Variants in RAC2 observed in about 807,000 individuals in gnomAD.
The protein encoded by RAC2 is ras-related C3 botulinum toxin substrate 2.
A neutral mutation model predicts 24.0 loss-of-function variants in RAC2; 1 was observed. The observed-to-expected ratio is 0.04, with a 90% confidence interval of 0.01 to 0.20. RAC2 has a LOEUF of 0.20. RAC2 is among the 10% of genes least tolerant of loss of function. The pLI is 1.00. For missense variants in RAC2, 130 were observed against 259.1 expected (o/e 0.50, Z 3.42); for synonymous variants, 114 against 106.8 (o/e 1.07, Z -0.41).
rs572376387 is a variant in RAC2 at position 37,241,776 on chromosome 22, T to C, written c.36-118A>G. 168 of 870,748 alleles carry C rather than the reference T, an allele frequency of 1.9e-4. No homozygotes were observed. The East Asian group carries it at 3.9e-3, about 20-fold the overall frequency. 53.9% of individuals were successfully genotyped at this position (870,748 alleles called of 1,614,324 possible). A position where few individuals can be genotyped will look rare whatever the true frequency, so the allele number is the denominator to read the frequency against. On this transcript the variant is annotated intron_variant, in intron 1 of 6. Transcript: ENST00000249071. ...TCCACCCAGCCTAGCCCTCTGGGCC[T>C]CCGTCTCCCCATGTGAGATGCCCCC...
At chr22:37,227,427 T>C (rs573935102) in intron 5 of RAC2, among the ~76,000 whole-genome samples, 217 of 2,020 alleles carry the variant, frequency 0.11, 2 homozygotes, top group Middle Eastern at 0.25. Flanking sequence ...CACCATACAC[T>C]CCTCCCATGC....
intron 2 of RAC2, among the ~76,000 whole-genome samples, chr22:37,236,765 T>A (rs746590451): frequency 6.6e-6 from 1 of 152,046 alleles, no homozygotes; most frequent in Admixed American, 6.5e-5. Context: ...AGGGCACGCA[T>A]GGCTAGTGAC....
chr22:37,232,718 C>T, intron 3 of RAC2, 83 bp downstream of exon 3: 2 of 1,216,676 alleles, frequency 1.6e-6, no homozygotes, highest in Non-Finnish European at 2.4e-6. Flanking sequence ...GTTTCCCAGG[C>T]TGAGCTGGCT....
chr22:37,231,088 C>T lies in RAC2; in HGVS notation c.448+143G>A. 3 of 1,017,398 alleles carry T rather than the reference C, an allele frequency of 2.9e-6. No homozygotes were observed. In the Admixed American group the frequency reaches 5.8e-5, roughly 20 times the overall value. 63.0% of individuals were successfully genotyped at this position (1,017,398 alleles called of 1,614,324 possible). On this transcript the variant is annotated intron_variant, in intron 5 of 6. Coordinates refer to ENST00000249071, the MANE Select transcript of RAC2 (RefSeq NM_002872.5). This position sits in a 1 kb window ranked among gnomAD's most constrained non-coding sequence, Gnocchi z 5.5. Reference sequence around the variant, plus strand: ...GGCAGAGAGAGGCTACGTGACTCGCCCAAGGTCACACAGCAAGTGCACAGC... The same window carrying T: ...GGCAGAGAGAGGCTACGTGACTCGCTCAAGGTCACACAGCAAGTGCACAGC...
Position 37,225,943 on chromosome 22 carries a change from C to T in RAC2, c.*99G>A, listed in dbSNP as rs1926819718. On this transcript the variant is annotated 3_prime_UTR_variant, in exon 7 of 7. Transcript: ENST00000249071. ...TGCAGCCATCTGCTAAGAAACGCCA[C>T]AGGGAGGGGACAGCATGGCCAGCCG... The T allele has an allele frequency of 6.5e-6, 1 of 153,056 alleles. No homozygotes were observed. The highest frequency in any genetic ancestry group is 2.4e-5 in the African/African-American group (1 of 41,438). The allele number at this position is 153,056 out of a possible 1,614,324, so 9.5% of individuals were successfully genotyped here. A position where few individuals can be genotyped will look rare whatever the true frequency, so the allele number is the denominator to read the frequency against.
Position 37,239,532 on chromosome 22 carries a change from A to T in RAC2, c.107+2055T>A, listed in dbSNP as rs1336269855. On this transcript the variant is annotated intron_variant, in intron 2 of 6. Transcript: ENST00000249071. ...GGGCCACCAGGGATCAGGGACCTCC[A>T]GGCTGCTGAGAGCACCTGGCCATAA... Among the ~76,000 whole-genome samples the T allele has an allele frequency of 2.6e-5, 4 of 152,192 alleles. No homozygotes were observed. The East Asian group carries it at 5.8e-4, about 22-fold the overall frequency.
intron 5 of RAC2, among the ~76,000 whole-genome samples, chr22:37,227,554 ACCCC>A (rs1601669277): frequency 2.2e-4 from 8 of 36,346 alleles, no homozygotes; most frequent in Admixed American, 7.2e-4. Context: ...CACGCCATAC[ACCCC>A]TTCCCATGCC....
chr22:37,240,589 G>A (rs1291166625), intron 2 of RAC2, among the ~76,000 whole-genome samples: 1 of 152,240 alleles, frequency 6.6e-6, no homozygotes, highest in Non-Finnish European at 1.5e-5. Flanking sequence ...TGTGTTGTGT[G>A]TAAGGTAATG....
chr22:37,244,075 C>A, intron 1 of RAC2, 39 bp downstream of exon 1: 3 of 1,613,766 alleles, frequency 1.9e-6, no homozygotes, highest in Non-Finnish European at 2.5e-6. Flanking sequence ...TCAGGGCATC[C>A]CAGTTGGGGG....
At chr22:37,232,112 G>A in intron 3 of RAC2, 118 bp from the exon 4 acceptor site, 1 of 1,025,084 alleles carries the variant, frequency 9.8e-7, no homozygotes, top group Non-Finnish European at 1.5e-6. Flanking sequence ...GGGAATGCTG[G>A]GGACTTAGGA....
At chr22:37,230,174 C>T (rs932145281) in intron 5 of RAC2, among the ~76,000 whole-genome samples, 1 of 151,430 alleles carries the variant, frequency 6.6e-6, no homozygotes, top group Admixed American at 6.6e-5. Flanking sequence ...TGTCACCACG[C>T]TAGTCACAGA....
At chr22:37,228,395 C>T (rs1393643109) in intron 5 of RAC2, among the ~76,000 whole-genome samples, 1 of 152,246 alleles carries the variant, frequency 6.6e-6, no homozygotes, top group Non-Finnish European at 1.5e-5. Context: ...GCAAAGAGTC[C>T]GTGTGACTTC....
rs1267993600 is a variant in RAC2 at position 37,231,330 on chromosome 22, G to T, written c.349C>A (p.Leu117Met). ...STPIILVGTK[L>M]DLRDDKDTIE... ...GTGTCCTTGTCGTCCCGCAGGTCCA[G>T]CTTGGTGCCCACCAGGATGATGGGT... Residue 117 changes from leucine (L) to methionine (M), a missense_variant, in exon 5 of 7, where the codon CTG becomes ATG. Coordinates refer to ENST00000249071, the MANE Select transcript of RAC2 (RefSeq NM_002872.5). This position sits in a 1 kb window ranked among gnomAD's most constrained non-coding sequence, Gnocchi z 5.5. 6.2e-7 allele frequency: 1 copy of T among 1,614,070 alleles called. No individual in the cohort carries two copies. The highest frequency in any genetic ancestry group is 8.5e-7 in the Non-Finnish European group (1 of 1,180,052).
Position 37,231,349 on chromosome 22 carries a change from G to T in RAC2, c.330C>A (p.Ile110=), listed in dbSNP as rs1199517028. Residue 110 remains isoleucine (I), a synonymous_variant, in exon 5 of 7, where the codon ATC becomes ATA. Coordinates refer to ENST00000249071, the MANE Select transcript of RAC2 (RefSeq NM_002872.5). This position sits in a 1 kb window ranked among gnomAD's most constrained non-coding sequence, Gnocchi z 5.5. Reference sequence around the variant, plus strand: ...GGTCCAGCTTGGTGCCCACCAGGATGATGGGTGTGCTGGGGCAGTGGTGCC... The same window carrying T: ...GGTCCAGCTTGGTGCCCACCAGGATTATGGGTGTGCTGGGGCAGTGGTGCC... ...EVRHHCPSTP[I]ILVGTKLDLR... The T allele has an allele frequency of 6.2e-7, 1 of 1,614,182 alleles. No individual in the cohort carries two copies.
chr22:37,233,022 C>CA (rs1927118127), intron 2 of RAC2, 104 bp from the exon 3 acceptor site: 1 of 846,892 alleles, frequency 1.2e-6, no homozygotes, highest in African/African-American at 1.7e-5. Context: ...GACCTAGAGA[C>CA]AGTCTGCGAC....
chr22:37,225,272 G>C lies in RAC2; in HGVS notation c.*770C>G, dbSNP rs1412824177. The C allele has an allele frequency of 6.6e-6, 1 of 152,162 alleles. No homozygotes were observed. The highest frequency in any genetic ancestry group is 1.5e-5 in the Non-Finnish European group (1 of 68,034). 9.4% of individuals were successfully genotyped at this position (152,162 alleles called of 1,614,324 possible). A position where few individuals can be genotyped will look rare whatever the true frequency, so the allele number is the denominator to read the frequency against. On this transcript the variant is annotated 3_prime_UTR_variant, in exon 7 of 7. Coordinates refer to ENST00000249071, the MANE Select transcript of RAC2 (RefSeq NM_002872.5). Reference sequence around the variant, plus strand: ...CTGAAATCACGATATCTCCAAACTTGAATCAATAAATTTATTTTCTGCTTA... The same window carrying C: ...CTGAAATCACGATATCTCCAAACTTCAATCAATAAATTTATTTTCTGCTTA...
Position 37,231,136 on chromosome 22 carries a change from G to C in RAC2, c.448+95C>G. 6.8e-7 allele frequency: 1 copy of C among 1,471,956 alleles called. No homozygotes were observed. The highest frequency in any genetic ancestry group is 9.4e-7 in the Non-Finnish European group (1 of 1,058,488). The allele number at this position is 1,471,956 out of a possible 1,614,324, so 91.2% of individuals were successfully genotyped here. A position where few individuals can be genotyped will look rare whatever the true frequency, so the allele number is the denominator to read the frequency against. On this transcript the variant is annotated intron_variant, in intron 5 of 6. Transcript: ENST00000249071. The surrounding 1 kb of genome is among the most constrained non-coding windows in gnomAD (Gnocchi z 5.5). ...AGCACAGCTGAGTTCAAACTGCACAGCCTGGCCCTGCAGCCCGTGTTTACA... is the reference window on the plus strand; with the variant it reads ...AGCACAGCTGAGTTCAAACTGCACACCCTGGCCCTGCAGCCCGTGTTTACA...
chr22:37,237,634 T>G (rs1384524980), intron 2 of RAC2, among the ~76,000 whole-genome samples: 1 of 151,998 alleles, frequency 6.6e-6, no homozygotes, highest in East Asian at 1.9e-4. Context: ...CAAATGAAAG[T>G]GAAAATTAAG....
intron 3 of RAC2, chr22:37,232,277 TG>T: frequency 3.8e-6 from 2 of 532,912 alleles, no homozygotes; most frequent in Non-Finnish European, 6.8e-6. Context: ...ACAGGGAAAG[TG>T]AGGCTTCCAG....
Sources: allele counts gnomAD v4.1 joint callset (sites outside exome capture counted in the v4.1 genomes callset), GRCh38; gene constraint gnomAD v4.1.1; non-coding constraint Gnocchi (gnomAD v3.1); transcripts MANE v1.5; gene names NCBI Gene and HGNC (gene_info 2026-07-23, HGNC 2026-07-21).